KIAA0825: variants seen among roughly 807,000 people sequenced by gnomAD.
KIAA0825 encodes KIAA0825, also known as uncharacterized protein KIAA0825.
KIAA0825 carries 119 observed loss-of-function variants against 147.6 expected under a neutral mutation model. The ratio of observed to expected loss-of-function variants is 0.81; its 90% CI spans 0.69 to 0.94. The LOEUF (loss-of-function observed/expected upper bound fraction) is 0.94. KIAA0825 is among the 40% of genes least tolerant of loss of function. The pLI, the probability that KIAA0825 is intolerant of heterozygous loss-of-function variation, is 0.00. For missense variants in KIAA0825, 1,381 were observed against 1,472.7 expected (o/e 0.94, Z 1.02); for synonymous variants, 470 against 518.1 (o/e 0.91, Z 1.26).
intron 1 of KIAA0825, among the ~76,000 whole-genome samples, chr5:94,607,369 T>C (rs1166304715): frequency 6.6e-6 from 1 of 152,148 alleles, no homozygotes; most frequent in Non-Finnish European, 1.5e-5. Context: ...ATGCCTGTAA[T>C]CCCAACATTT....
In KIAA0825 at chr5:94,431,192, TC is replaced by T. The variant is rs1755617176; in HGVS notation, c.2497+8789del. On this transcript the variant is annotated intron_variant, in intron 14 of 20. Transcript: ENST00000682413. ...AACATAAGTTAAGTACCTACTATGT[TC>T]CAGGCAATGCACTGAGTACTTTATG... Among the ~76,000 whole-genome samples, 3 of 152,308 alleles carry T rather than the reference TC, an allele frequency of 2.0e-5. No homozygotes were observed. In the South Asian group the frequency reaches 6.2e-4, roughly 32 times the overall value.
At chr5:94,445,938 C>T (rs1562504371) in intron 13 of KIAA0825, among the ~76,000 whole-genome samples, 2 of 152,156 alleles carry the variant, frequency 1.3e-5, no homozygotes, top group Admixed American at 1.3e-4. Flanking sequence ...CTTGGCACCT[C>T]ATCAGAGCAC....
At chr5:94,283,241 A>C (rs1777536934) in intron 20 of KIAA0825, among the ~76,000 whole-genome samples, 1 of 152,134 alleles carries the variant, frequency 6.6e-6, no homozygotes, top group African/African-American at 2.4e-5. Flanking sequence ...GATTCCAAAG[A>C]GCTCTGAAAA....
At chr5:94,417,157 GTATC>G (rs765289041) in intron 15 of KIAA0825, 40 bp downstream of exon 15, 1 of 1,499,038 alleles carries the variant, frequency 6.7e-7, no homozygotes, top group South Asian at 1.2e-5. Context: ...GTACATATAA[GTATC>G]TATAGAACAT....
intron 20 of KIAA0825, among the ~76,000 whole-genome samples, chr5:94,168,222 A>G (rs1461947956): frequency 6.6e-6 from 1 of 152,096 alleles, no homozygotes; most frequent in Non-Finnish European, 1.5e-5. Context: ...TGATTATGAT[A>G]ACTAGCTATA....
intron 14 of KIAA0825, among the ~76,000 whole-genome samples, chr5:94,428,589 C>T (rs1442982885): frequency 2.6e-5 from 4 of 152,184 alleles, no homozygotes; most frequent in Admixed American, 6.5e-5. Flanking sequence ...TCTCTACTGA[C>T]TCACAAGGTT....
chr5:94,346,716 G>C (rs1783039442), intron 20 of KIAA0825, among the ~76,000 whole-genome samples: 2 of 152,204 alleles, frequency 1.3e-5, no homozygotes, highest in African/African-American at 4.8e-5. Context: ...GCACCACAGG[G>C]ATCCAACGGG....
At chr5:94,355,217 A>G (rs1784114354) in intron 20 of KIAA0825, among the ~76,000 whole-genome samples, 2 of 152,184 alleles carry the variant, frequency 1.3e-5, no homozygotes, top group Non-Finnish European at 2.9e-5. Flanking sequence ...AATGTTTCCT[A>G]TTCAGACCTT....
At chr5:94,616,168 G>A (rs763300368) in intron 1 of KIAA0825, among the ~76,000 whole-genome samples, 1 of 152,064 alleles carries the variant, frequency 6.6e-6, no homozygotes, top group Non-Finnish European at 1.5e-5. Flanking sequence ...ATCTGCCTAC[G>A]GGATCTGCCT....
Position 94,520,430 on chromosome 5 carries a change from CAT to C in KIAA0825, c.786_787del (p.Cys263Ter), listed in dbSNP as rs752382884. The stretch of plus-strand genomic sequence containing the variant: ...CATTGAAGATGGAGCTAAAATTTCA[CAT>C]AGTGTGTTAAAATCCTCTTTTATTA... On this transcript the variant is annotated frameshift_variant, in exon 5 of 21. Transcript: ENST00000682413. LOFTEE classifies it high-confidence loss of function. 1.2e-5 allele frequency: 20 copies of C among 1,612,674 alleles called. No individual in the cohort carries two copies. The highest frequency in any genetic ancestry group is 1.7e-5 in the Non-Finnish European group (20 of 1,179,046).
At chr5:94,442,001 T>C (rs1455915097) in intron 13 of KIAA0825, among the ~76,000 whole-genome samples, 1 of 152,230 alleles carries the variant, frequency 6.6e-6, no homozygotes, top group East Asian at 1.9e-4. Context: ...ATTCGAACTT[T>C]GTGAAGACAC....
chr5:94,168,443 G>A (rs1215249758), intron 20 of KIAA0825, among the ~76,000 whole-genome samples: 1 of 152,110 alleles, frequency 6.6e-6, no homozygotes, highest in Non-Finnish European at 1.5e-5. Flanking sequence ...AATATGATTT[G>A]TTCTATATAT....
chr5:94,509,068 G>T (rs1428279998), intron 5 of KIAA0825, among the ~76,000 whole-genome samples: 1 of 152,128 alleles, frequency 6.6e-6, no homozygotes, highest in African/African-American at 2.4e-5. Flanking sequence ...GAAGCAGGGG[G>T]GTCTGACTTG....
At chr5:94,255,605 A>G (rs1199662221) in intron 20 of KIAA0825, among the ~76,000 whole-genome samples, 1 of 151,268 alleles carries the variant, frequency 6.6e-6, no homozygotes, top group African/African-American at 2.4e-5. Flanking sequence ...ATTTTTTAAA[A>G]TTATTAGTCA....
intron 13 of KIAA0825, 54 bp downstream of exon 13, chr5:94,452,905 A>G (rs911592924): frequency 1.0e-6 from 1 of 974,870 alleles, no homozygotes; most frequent in Non-Finnish European, 1.4e-6. Context: ...ATTTCTATTA[A>G]ATTTTAAAAG....
intron 15 of KIAA0825, among the ~76,000 whole-genome samples, chr5:94,409,612 A>G (rs1752499589): frequency 6.6e-6 from 1 of 152,198 alleles, no homozygotes; most frequent in Non-Finnish European, 1.5e-5. Context: ...TGACTCTAAG[A>G]AGCCAAGCAA....
chr5:94,616,903 A>G (rs905139120), intron 1 of KIAA0825, among the ~76,000 whole-genome samples: 1 of 152,196 alleles, frequency 6.6e-6, no homozygotes, highest in African/African-American at 2.4e-5. Flanking sequence ...TGATACTGTT[A>G]TGTTTACTTA....
At chr5:94,415,056 G>C (rs1347742971) in intron 15 of KIAA0825, 1 of 152,136 alleles carries the variant, frequency 6.6e-6, no homozygotes, top group East Asian at 1.9e-4. Flanking sequence ...CTGGTTTCTT[G>C]TGCTAAGTCT....
At chr5:94,240,181 C>T (rs1349286964) in intron 20 of KIAA0825, among the ~76,000 whole-genome samples, 3 of 152,178 alleles carry the variant, frequency 2.0e-5, no homozygotes, top group Non-Finnish European at 4.4e-5. Context: ...AGTTGTTTAA[C>T]TTTCAAAACT....
Sources: allele counts gnomAD v4.1 joint callset (sites outside exome capture counted in the v4.1 genomes callset), GRCh38; gene constraint gnomAD v4.1.1; transcripts MANE v1.5; gene names NCBI Gene and HGNC (gene_info 2026-07-23, HGNC 2026-07-21).